The following LITAF variants were observed in gnomAD, a reference collection of about 807,000 sequenced individuals.
The protein encoded by LITAF is lipopolysaccharide-induced tumor necrosis factor-alpha factor.
LITAF carries 9 observed loss-of-function variants against 14.5 expected under a neutral mutation model. That is an observed-to-expected ratio of 0.62 (90% confidence interval 0.37 to 1.08). LITAF has a LOEUF of 1.08. Among genes scored for constraint, LITAF ranks in the 50% least tolerant of loss-of-function variants. The pLI is 0.01. For missense variants in LITAF, 206 were observed against 213.4 expected (o/e 0.97, Z 0.22); for synonymous variants, 98 against 88.2 (o/e 1.11, Z -0.62).
upstream of LITAF, among the ~76,000 whole-genome samples, chr16:11,600,286 A>T (rs2064919158): frequency 1.3e-5 from 2 of 152,088 alleles, no homozygotes; most frequent in Non-Finnish European, 2.9e-5. This position sits in a 1 kb window ranked among gnomAD's most constrained non-coding sequence, Gnocchi z 4.1. Context: ...CACATTTGTC[A>T]CCTCCTAAAT....
rs575119231 is a variant in LITAF, at chr16:11,613,858, G to T, written c.85+19675C>A. On this transcript the variant is annotated intron_variant, in intron 3 of 3. Coordinates refer to the LITAF transcript ENST00000574848. ...AGCCGGCCTCACCCTGCCACATGTT[G>T]TCAGATGACCGGGCGGGCCACTTCT... Among the ~76,000 whole-genome samples, 133 of 152,336 alleles carry T rather than the reference G, an allele frequency of 8.7e-4. 1 individual carries two copies. Among genetic ancestry groups the T allele is most frequent in the African/African-American group, 3.1e-3 (127 of 41,582 alleles).
chr16:11,569,435 T>G (rs771111572), intron 1 of LITAF, among the ~76,000 whole-genome samples: 2 of 152,090 alleles, frequency 1.3e-5, no homozygotes, highest in Non-Finnish European at 2.9e-5. Context: ...AGGGATGAGG[T>G]CTCGCCATGT....
chr16:11,628,032 A>C (rs2065094833), intron 3 of LITAF, among the ~76,000 whole-genome samples: 1 of 151,350 alleles, frequency 6.6e-6, no homozygotes, highest in African/African-American at 2.4e-5. Flanking sequence ...AAAAAAAAAA[A>C]ACAAGGCCTG....
intron 3 of LITAF, chr16:11,551,664 C>CAA (rs57186247): frequency 4.7e-4 from 260 of 554,370 alleles, no homozygotes; most frequent in Non-Finnish European, 7.3e-4. Flanking sequence ...TCCACACACA[C>CAA]AAAAAAAAAA....
At chr16:11,620,050 C>T (rs1253860569) in intron 3 of LITAF, among the ~76,000 whole-genome samples, 2 of 151,682 alleles carry the variant, frequency 1.3e-5, no homozygotes, top group Non-Finnish European at 2.9e-5. Context: ...TGCCTGTAAT[C>T]CCAGCTACTT....
Position 11,553,396 on chromosome 16 carries a change from A to G in LITAF, c.377+137T>C. ...ACTGTACTCCAGCCTGGGCGACAGAACCAGATTCCATCTCAAAAAAAAACA... is the reference window on the plus strand; with the variant it reads ...ACTGTACTCCAGCCTGGGCGACAGAGCCAGATTCCATCTCAAAAAAAAACA... On this transcript the variant is annotated intron_variant, in intron 3 of 3. Transcript: ENST00000622633. The surrounding 1 kb of genome is among the most constrained non-coding windows in gnomAD (Gnocchi z 7.7). 1 of 970,142 alleles carries G rather than the reference A, an allele frequency of 1.0e-6. No individual in the cohort carries two copies. Among genetic ancestry groups the G allele is most frequent in the Non-Finnish European group, 1.6e-6 (1 of 639,272 alleles). The allele number at this position is 970,142 out of a possible 1,614,324, so 60.1% of individuals were successfully genotyped here. A position where few individuals can be genotyped will look rare whatever the true frequency, so the allele number is the denominator to read the frequency against.
intron 3 of LITAF, among the ~76,000 whole-genome samples, chr16:11,607,515 G>C (rs918380177): frequency 6.6e-6 from 1 of 151,586 alleles, no homozygotes; most frequent in African/African-American, 2.4e-5. Flanking sequence ...ACTTCTGAAA[G>C]TAGTGTGCTT....
At chr16:11,637,025 A>G (rs2065140882), upstream of LITAF, among the ~76,000 whole-genome samples, 3 of 152,130 alleles carry the variant, frequency 2.0e-5, no homozygotes, top group African/African-American at 7.2e-5. Context: ...GCACACCACC[A>G]GCGTGCTCAT....
chr16:11,577,929 C>T (rs980180034), intron 1 of LITAF, among the ~76,000 whole-genome samples: 5 of 151,410 alleles, frequency 3.3e-5, no homozygotes, highest in Admixed American at 6.6e-5. Context: ...TTGCTCATTC[C>T]ACTATTTCCA....
chr16:11,589,172 G>C (rs1018309638), upstream of LITAF, among the ~76,000 whole-genome samples: 1 of 152,008 alleles, frequency 6.6e-6, no homozygotes, highest in African/African-American at 2.4e-5. Flanking sequence ...CCAACCAGGG[G>C]GTAAAAGTAA....
At chr16:11,595,733 A>G (rs982889593) in intron 1 of LITAF, among the ~76,000 whole-genome samples, 6 of 152,130 alleles carry the variant, frequency 3.9e-5, no homozygotes, top group African/African-American at 1.4e-4. Context: ...CGTCTCAAAA[A>G]ACAAAACAAA....
chr16:11,548,408 G>C lies in LITAF; in HGVS notation c.*1229C>G, dbSNP rs1299516242. The C allele has an allele frequency of 2.2e-6, 1 of 453,828 alleles. No homozygotes were observed. Among genetic ancestry groups the C allele is most frequent in the Admixed American group, 2.4e-5 (1 of 42,518 alleles). The allele number at this position is 453,828 out of a possible 1,614,324, so 28.1% of individuals were successfully genotyped here. ...CTTTAGATTCCTCTGAAACAGTTCTGGTTCCCAAGCATCCGCACCATGGTA... is the reference window on the plus strand; with the variant it reads ...CTTTAGATTCCTCTGAAACAGTTCTCGTTCCCAAGCATCCGCACCATGGTA... On this transcript the variant is annotated 3_prime_UTR_variant, in exon 4 of 4. Coordinates refer to ENST00000622633, the MANE Select transcript of LITAF (RefSeq NM_001136472.2).
intron 2 of LITAF, chr16:11,556,182 A>T: frequency 2.2e-6 from 1 of 465,010 alleles, no homozygotes; most frequent in Non-Finnish European, 3.8e-6. Context: ...GAAGTTCTGC[A>T]TCAGACCTCA....
At chr16:11,622,334 C>T (rs1383136234) in intron 3 of LITAF, among the ~76,000 whole-genome samples, 1 of 152,272 alleles carries the variant, frequency 6.6e-6, no homozygotes, top group African/African-American at 2.4e-5. Flanking sequence ...CCTGCGGCCT[C>T]CCCCTGCTCC....
At chr16:11,564,924 T>A (rs967270793) in intron 1 of LITAF, among the ~76,000 whole-genome samples, 2 of 151,554 alleles carry the variant, frequency 1.3e-5, no homozygotes, top group African/African-American at 4.9e-5. Flanking sequence ...GGGGTTCTTT[T>A]GGGGATGATG....
At chr16:11,598,030 C>A (rs777640451) in intron 1 of LITAF, among the ~76,000 whole-genome samples, 1 of 152,170 alleles carries the variant, frequency 6.6e-6, no homozygotes, top group African/African-American at 2.4e-5. Flanking sequence ...CTCAGACACC[C>A]GAGTAGCTGG....
intron 3 of LITAF, among the ~76,000 whole-genome samples, chr16:11,615,404 G>T (rs2065012957): frequency 6.6e-6 from 1 of 152,170 alleles, no homozygotes; most frequent in Admixed American, 6.5e-5. Flanking sequence ...TGGCATGGTG[G>T]TGCATGCCTG....
At chr16:11,580,670 G>A (rs2064718473) in intron 1 of LITAF, among the ~76,000 whole-genome samples, 1 of 152,170 alleles carries the variant, frequency 6.6e-6, no homozygotes, top group Non-Finnish European at 1.5e-5. Flanking sequence ...CTTTTTATCT[G>A]CATTAACAAG....
At chr16:11,593,053 C>A (rs1373836605) in intron 1 of LITAF, among the ~76,000 whole-genome samples, 1 of 152,132 alleles carries the variant, frequency 6.6e-6, no homozygotes, top group East Asian at 1.9e-4. Flanking sequence ...CGCCTGTAGC[C>A]CCAGCTACTC....
Sources: allele counts gnomAD v4.1 joint callset (sites outside exome capture counted in the v4.1 genomes callset), GRCh38; gene constraint gnomAD v4.1.1; non-coding constraint Gnocchi (gnomAD v3.1); transcripts MANE v1.5; gene names NCBI Gene and HGNC (gene_info 2026-07-23, HGNC 2026-07-21).